Variants in FCGR1A observed in about 807,000 individuals in gnomAD.
FCGR1A encodes the protein high affinity immunoglobulin gamma Fc receptor I.
Under a neutral mutation model 35.0 loss-of-function variants are expected in FCGR1A, and 13 were observed. That is an observed-to-expected ratio of 0.37 (90% CI 0.24 to 0.59). The LOEUF is 0.59. Among genes scored for constraint, FCGR1A ranks in the 20% least tolerant of loss-of-function variants. FCGR1A has a pLI of 0.71. For missense variants in FCGR1A, 227 were observed against 430.0 expected (o/e 0.53, Z 4.17); for synonymous variants, 91 against 164.7 (o/e 0.55, Z 3.43).
intron 3 of FCGR1A, among the ~76,000 whole-genome samples, chr1:149,785,408 G>GT (rs10670379): frequency 0.087 from 5,861 of 67,620 alleles, 1,671 homozygotes; most frequent in Non-Finnish European, 0.15. Context: ...GAGCTGTTTC[G>GT]TTTTTTTTTT....
the FCGR1A span, among the ~76,000 whole-genome samples, chr1:149,799,632 A>G: frequency 6.6e-6 from 1 of 152,320 alleles, no homozygotes; most frequent in South Asian, 2.1e-4. Context: ...GTAGATTTGT[A>G]TTTTATTTCT....
At chr1:149,784,367 A>C in intron 3 of FCGR1A, 110 bp downstream of exon 3, 1 of 1,606,518 alleles carries the variant, frequency 6.2e-7, no homozygotes, top group Non-Finnish European at 8.5e-7. Context: ...TGCAGGTCTC[A>C]GCACTATGTA....
chr1:149,795,415 GT>G (rs2091789964), downstream of FCGR1A, among the ~76,000 whole-genome samples: 1 of 122,496 alleles, frequency 8.2e-6, no homozygotes, highest in African/African-American at 3.2e-5. Context: ...CAAGGCAAGG[GT>G]TAAAAAGAAG....
chr1:149,791,419 G>C lies in FCGR1A; in HGVS notation c.1027G>C (p.Glu343Gln), dbSNP rs1371839579. ...GAAGAAGGTAATTTCCAGCCTTCAAGAAGACAGACATTTAGAAGAAGAGCT... is the reference window on the plus strand; with the variant it reads ...GAAGAAGGTAATTTCCAGCCTTCAACAAGACAGACATTTAGAAGAAGAGCT... ...HEKKVISSLQ[E>Q]DRHLEEELKC... Residue 343 changes from glutamate to glutamine, a missense_variant, in exon 6 of 6, where the codon GAA becomes CAA. By Grantham distance (29) the Glu-to-Gln change is conservative. Coordinates refer to ENST00000369168, the MANE Select transcript of FCGR1A (RefSeq NM_000566.4). The C allele has an allele frequency of 6.2e-7, 1 of 1,603,738 alleles. No homozygotes were observed. Among genetic ancestry groups the C allele is most frequent in the Non-Finnish European group, 8.5e-7 (1 of 1,177,260 alleles).
At chr1:149,797,443 G>A in the FCGR1A span, among the ~76,000 whole-genome samples, 324 of 151,780 alleles carry the variant, frequency 2.1e-3, 2 homozygotes, top group Non-Finnish European at 7.9e-4. Flanking sequence ...GTAAGTTTAC[G>A]GAAGGATTAA....
At chr1:149,797,480 G>A in the FCGR1A span, among the ~76,000 whole-genome samples, 5 of 152,106 alleles carry the variant, frequency 3.3e-5, no homozygotes, top group East Asian at 5.8e-4. Context: ...CAGGGAACAC[G>A]GTGTTTGGTT....
At chr1:149,789,261 C>A (rs1192741358) in intron 4 of FCGR1A, among the ~76,000 whole-genome samples, 1 of 151,954 alleles carries the variant, frequency 6.6e-6, no homozygotes, top group South Asian at 2.1e-4. Context: ...TGAAATGTGG[C>A]GGGCACCTGT....
chr1:149,785,616 A>T (rs1183915609), intron 3 of FCGR1A: 1 of 151,858 alleles, frequency 6.6e-6, no homozygotes, highest in African/African-American at 2.4e-5. Flanking sequence ...ACCTCTACAC[A>T]GACTCTAGGA....
chr1:149,789,074 C>T (rs782330270), intron 4 of FCGR1A, among the ~76,000 whole-genome samples: 3 of 151,740 alleles, frequency 2.0e-5, no homozygotes, highest in Non-Finnish European at 4.4e-5. Flanking sequence ...TCTTCCTGAG[C>T]ATCTGCAGGC....
chr1:149,791,174 A>G, intron 5 of FCGR1A, 63 bp from the exon 6 acceptor site: 1 of 1,605,064 alleles, frequency 6.2e-7, no homozygotes, highest in Admixed American at 1.7e-5. Flanking sequence ...TTCCAAACAT[A>G]ACTCAGCTAG....
In FCGR1A at chr1:149,785,407, C is replaced by CCTTTTTT. The variant is rs1553750700; in HGVS notation, c.307+1150_307+1151insCTTTTTT. ...GTTAGGGAAGCTGACAGAGCTGTTT[C>CCTTTTTT]GTTTTTTTTTTTTTTTTTTTTTTTT... On this transcript the variant is annotated intron_variant, in intron 3 of 5. Transcript: ENST00000369168. Among the ~76,000 whole-genome samples the CCTTTTTT allele has an allele frequency of 2.1e-3, 159 of 74,514 alleles. 8 individuals carry two copies. Among genetic ancestry groups the CCTTTTTT allele is most frequent in the Non-Finnish European group, 3.9e-3 (132 of 34,112 alleles). 48.9% of individuals were successfully genotyped at this position (74,514 alleles called of 152,430 possible). A position where few individuals can be genotyped will look rare whatever the true frequency, so the allele number is the denominator to read the frequency against.
downstream of FCGR1A, among the ~76,000 whole-genome samples, chr1:149,795,977 A>C: frequency 6.6e-6 from 1 of 151,356 alleles, no homozygotes; most frequent in Non-Finnish European, 1.5e-5. Context: ...GATGTCACAC[A>C]CACACAAAGC....
intron 4 of FCGR1A, 52 bp from the exon 5 acceptor site, chr1:149,790,002 A>C (rs2091661926): frequency 6.2e-7 from 1 of 1,613,214 alleles, no homozygotes; most frequent in African/African-American, 1.3e-5. Context: ...TTTTGTGAAA[A>C]GGACCTGGAT....
downstream of FCGR1A, among the ~76,000 whole-genome samples, chr1:149,793,449 G>T (rs1265764584): frequency 1.3e-5 from 2 of 152,142 alleles, no homozygotes; most frequent in African/African-American, 2.4e-5. Context: ...CACCCACAAG[G>T]GCCCACGGCC....
chr1:149,788,111 T>A (rs2091600354), intron 3 of FCGR1A: 1 of 528,778 alleles, frequency 1.9e-6, no homozygotes, highest in South Asian at 2.1e-5. Flanking sequence ...CTGTATGAAC[T>A]GTTTTTGTTT....
intron 4 of FCGR1A, among the ~76,000 whole-genome samples, chr1:149,789,460 A>T (rs1456452338): frequency 6.6e-6 from 1 of 152,074 alleles, no homozygotes; most frequent in Non-Finnish European, 1.5e-5. Context: ...TGTGTGAGTC[A>T]GGGTTCACTC....
intron 3 of FCGR1A, chr1:149,785,755 A>G (rs2091532636): frequency 1.3e-5 from 2 of 152,130 alleles, no homozygotes; most frequent in South Asian, 4.1e-4. Context: ...TTTCAAAGTA[A>G]ACAGCATCCA....
downstream of FCGR1A, chr1:149,793,121 G>T: frequency 7.8e-7 from 1 of 1,274,522 alleles, no homozygotes; most frequent in South Asian, 1.2e-5. Context: ...CCGGCCTCAG[G>T]TGCGCCCGGC....
chr1:149,790,202 G>A lies in FCGR1A; in HGVS notation c.708G>A (p.Leu236=), dbSNP rs1553751559. 1 of 1,613,778 alleles carries A rather than the reference G, an allele frequency of 6.2e-7. No individual in the cohort carries two copies. The highest frequency in any genetic ancestry group is 2.2e-5 in the East Asian group (1 of 44,874). ...YFSFYMGSKT[L]RGRNTSSEYQ... is the part of the protein sequence containing the mutation. ...CCTTCTACATGGGCAGCAAGACCCT[G>A]CGAGGCAGGAACACATCCTCTGAAT... Residue 236 remains leucine (L), a synonymous_variant, in exon 5 of 6, where the codon CTG becomes CTA. Coordinates refer to ENST00000369168, the MANE Select transcript of FCGR1A (RefSeq NM_000566.4).
Sources: gnomAD v4.1 joint callset for allele counts (sites outside exome capture counted in the v4.1 genomes callset) on GRCh38, gnomAD v4.1.1 for gene constraint, MANE v1.5 for transcripts, NCBI Gene and HGNC (gene_info 2026-07-23, HGNC 2026-07-21) for gene names.